Variants in FLT3 observed in about 807,000 individuals in gnomAD.
FLT3 encodes fms related receptor tyrosine kinase 3.
In FLT3, 46 loss-of-function variants were observed where a neutral mutation model predicts 126.6. The ratio of observed to expected loss-of-function variants is 0.36; its 90% CI spans 0.29 to 0.46. FLT3 has a LOEUF of 0.46. Among genes scored for constraint, FLT3 ranks in the 20% least tolerant of loss-of-function variants. The probability of loss-of-function intolerance (pLI) is 1.00; values close to 1 mark genes in which losing one functional copy is unlikely to be tolerated. For missense variants in FLT3, 1,069 were observed against 1,190.3 expected, an observed-to-expected ratio of 0.90 and a Z score of 1.50; for synonymous variants, 404 against 434.4, an observed-to-expected ratio of 0.93 and a Z score of 0.87.
At chr13:28,025,366 C>T (rs772243418) in intron 17 of FLT3, 10 of 452,004 alleles carry the variant, frequency 2.2e-5, no homozygotes, top group Non-Finnish European at 4.4e-6. Context: ...GTAAGCGTTT[C>T]ACCATCCTTC....
At chr13:28,095,092 C>G (rs1223503701) in intron 1 of FLT3, among the ~76,000 whole-genome samples, 15 of 152,122 alleles carry the variant, frequency 9.9e-5, no homozygotes, top group Admixed American at 9.2e-4. Flanking sequence ...CACAAAGTCT[C>G]CTGATAAAAA....
rs144376509 is a variant in FLT3, at chr13:28,041,235, A to G, written c.1206-3947T>C. Among the ~76,000 whole-genome samples the G allele has an allele frequency of 3.9e-5, 6 of 152,260 alleles. No individual in the cohort carries two copies. The East Asian group carries it at 1.2e-3, about 30-fold the overall frequency. On this transcript the variant is annotated intron_variant, in intron 9 of 23. Coordinates refer to ENST00000241453, the MANE Select transcript of FLT3 (RefSeq NM_004119.3). ...AAGAGGCTGGCGTGGAAGTGGCCCA[A>G]GAGAAGAAAGACGTGAGCTTCTAAG...
At chr13:28,039,216 T>G (rs116718849) in intron 9 of FLT3, among the ~76,000 whole-genome samples, 3,139 of 152,292 alleles carry the variant, frequency 0.021, 90 homozygotes, top group African/African-American at 0.07. Context: ...TTTATTTATT[T>G]ATTGATATGG....
At position 28,050,221 on chromosome 13, in the gene FLT3, A is replaced by G. The variant is rs746598319; in HGVS notation, c.616T>C (p.Cys206Arg). 3.7e-6 allele frequency: 6 copies of G among 1,613,786 alleles called. No homozygotes were observed. The highest frequency in any genetic ancestry group is 1.6e-4 in the Middle Eastern group (1 of 6,062). Residue 206 changes from cysteine to arginine, a missense_variant and splice_region_variant, in exon 6 of 24, where the codon TGT (cysteine) becomes CGT (arginine). Cys to Arg is a radical substitution (Grantham distance 180, BLOSUM62 -3). Coordinates refer to ENST00000241453, the MANE Select transcript of FLT3 (RefSeq NM_004119.3). ...WVLCDSQGES[C>R]KEESPAVVKK... is the part of the protein sequence containing the mutation. ...ACAACAGCTGGACTTTCTTCTTTAC[A>G]GCTGCAATTAGAAAAGAAGTACCAT...
chr13:28,059,339 T>C (rs1393583910), intron 3 of FLT3, among the ~76,000 whole-genome samples: 5 of 152,086 alleles, frequency 3.3e-5, no homozygotes, highest in Admixed American at 2.0e-4. Flanking sequence ...GCCACAAGAA[T>C]GTAAAAGAAA....
intron 17 of FLT3, 49 bp downstream of exon 17, chr13:28,027,039 G>A: frequency 1.9e-6 from 3 of 1,540,080 alleles, no homozygotes; most frequent in Non-Finnish European, 8.9e-7. Context: ...AGCACACTTT[G>A]CCTACGTTCT....
At chr13:28,048,489 A>G in intron 8 of FLT3, 46 bp from the exon 9 acceptor site, 11 of 1,251,648 alleles carry the variant, frequency 8.8e-6, no homozygotes, top group Non-Finnish European at 1.3e-5. Context: ...TAATATTCAT[A>G]GGGAAACGTA....
At chr13:28,015,336 G>T in intron 21 of FLT3, 80 bp from the exon 22 acceptor site, 3 of 983,222 alleles carry the variant, frequency 3.1e-6, no homozygotes, top group South Asian at 1.4e-5. Flanking sequence ...AACACGTATT[G>T]AGATCTGCCA....
chr13:28,049,896 T>A, intron 6 of FLT3, 122 bp from the exon 7 acceptor site: 1 of 1,179,316 alleles, frequency 8.5e-7, no homozygotes, highest in Non-Finnish European at 1.2e-6. Context: ...ACCACATTAA[T>A]AAAAGAAGCT....
intron 1 of FLT3, among the ~76,000 whole-genome samples, chr13:28,087,939 G>A (rs1362739361): frequency 6.6e-6 from 1 of 152,064 alleles, no homozygotes; most frequent in African/African-American, 2.4e-5. Flanking sequence ...TATAATAACC[G>A]TTTTAATTTT....
intron 19 of FLT3, among the ~76,000 whole-genome samples, chr13:28,022,385 A>T (rs1487755251): frequency 6.6e-6 from 1 of 151,874 alleles, no homozygotes; most frequent in African/African-American, 2.4e-5. Context: ...GCTGGTATGC[A>T]CCCGTGGTCC....
intron 4 of FLT3, among the ~76,000 whole-genome samples, chr13:28,053,767 AT>A (rs56667135): frequency 4.7e-5 from 7 of 149,084 alleles, no homozygotes; most frequent in East Asian, 2.0e-4. Context: ...TACTTTATTC[AT>A]TTTTTTTTTT....
chr13:28,043,633 T>C (rs2137708242), intron 9 of FLT3, among the ~76,000 whole-genome samples: 1 of 152,366 alleles, frequency 6.6e-6, no homozygotes, highest in South Asian at 2.1e-4. Context: ...AGGTAAAGAA[T>C]GCTCATGCAC....
chr13:28,015,617 T>C lies in FLT3; in HGVS notation c.2626A>G (p.Ile876Val). The C allele has an allele frequency of 6.2e-7, 1 of 1,611,880 alleles. No individual in the cohort carries two copies. The part of the protein sequence containing the change: ...TIKSDVWSYG[I>V]LLWEIFSLGV... The stretch of plus-strand genomic sequence containing the variant: ...AGTGAGAAGATTTCCCACAGTAATA[T>C]TCCATATGACCAGACATCACTCTTA... Residue 876 changes from isoleucine (I) to valine (V), a missense_variant, in exon 21 of 24, where the codon ATA becomes GTA. By Grantham distance (29) the Ile-to-Val change is conservative. Transcript: ENST00000241453.
intron 23 of FLT3, among the ~76,000 whole-genome samples, chr13:28,005,120 G>A (rs1375424316): frequency 6.6e-6 from 1 of 152,130 alleles, no homozygotes; most frequent in East Asian, 1.9e-4. Context: ...ACCTGGGGTT[G>A]GGAGTTCAGG....
intron 3 of FLT3, among the ~76,000 whole-genome samples, chr13:28,059,958 CAATAAATAAATAAATAAATAAATA>C (rs10523017): frequency 1.4e-5 from 2 of 148,086 alleles, no homozygotes; most frequent in Non-Finnish European, 1.5e-5. Flanking sequence ...GACTCTGCCT[CAATAAATAAATAAATAAATAAATA>C]AATAAATAAA....
chr13:28,051,547 C>CTT (rs757834414), intron 5 of FLT3, among the ~76,000 whole-genome samples: 17 of 89,946 alleles, frequency 1.9e-4, no homozygotes, highest in African/African-American at 2.9e-4. Context: ...TATAATTTCC[C>CTT]TTTTTTTTTT....
intron 15 of FLT3, 126 bp downstream of exon 15, chr13:28,033,761 A>AT: frequency 1.3e-6 from 1 of 762,252 alleles, no homozygotes. Flanking sequence ...AATCCACTCC[A>AT]TTTTTAGCCT....
At position 28,034,290 on chromosome 13, in the gene FLT3, T is replaced by C; in HGVS notation, c.1704+11A>G. 1 of 1,613,246 alleles carries C rather than the reference T, an allele frequency of 6.2e-7. No individual in the cohort carries two copies. Among genetic ancestry groups the C allele is most frequent in the Non-Finnish European group, 8.5e-7 (1 of 1,179,222 alleles). ...GAGGAAAGAATAATGAATTTTTACC[T>C]TTGCTTTTACCTTTTTGTACTTGTG... On this transcript the variant is annotated intron_variant, in intron 13 of 23. Coordinates refer to ENST00000241453, the MANE Select transcript of FLT3 (RefSeq NM_004119.3).
Sources: gnomAD v4.1 joint callset for allele counts (sites outside exome capture counted in the v4.1 genomes callset) on GRCh38, gnomAD v4.1.1 for gene constraint, MANE v1.5 for transcripts, NCBI Gene and HGNC (gene_info 2026-07-23, HGNC 2026-07-21) for gene names.